Variants in HEMK2 observed in about 807,000 individuals in gnomAD.
HEMK2 encodes methyltransferase HEMK2.
the HEMK2 span, among the ~76,000 whole-genome samples, chr21:28,831,738 A>G: frequency 1.4e-3 from 163 of 114,852 alleles, no homozygotes; most frequent in East Asian, 4.8e-3. Context: ...AAGGAAGGAA[A>G]GAAAGAAAGA....
the HEMK2 span, among the ~76,000 whole-genome samples, chr21:28,763,355 G>C: frequency 2.0e-5 from 3 of 152,250 alleles, no homozygotes; most frequent in South Asian, 6.2e-4. Context: ...GCTGAAGCAG[G>C]AACAAGCATG....
the HEMK2 span, among the ~76,000 whole-genome samples, chr21:28,842,971 G>A: frequency 6.6e-6 from 1 of 152,036 alleles, no homozygotes; most frequent in Non-Finnish European, 1.5e-5. Flanking sequence ...TGGAAGAATG[G>A]GAAGATAGAC....
the HEMK2 span, among the ~76,000 whole-genome samples, chr21:28,784,428 T>C: frequency 6.6e-6 from 1 of 150,392 alleles, no homozygotes; most frequent in Non-Finnish European, 1.5e-5. Flanking sequence ...CTAGCTAATC[T>C]AGTGGGGACT....
the HEMK2 span, among the ~76,000 whole-genome samples, chr21:28,638,591 A>G: frequency 6.6e-6 from 1 of 152,178 alleles, no homozygotes; most frequent in Non-Finnish European, 1.5e-5. Flanking sequence ...CAACTGCCTC[A>G]AAACCTAGAG....
chr21:28,874,851 A>C, the HEMK2 span: 1 of 152,224 alleles, frequency 6.6e-6, no homozygotes, highest in African/African-American at 2.4e-5. Flanking sequence ...TTGGCATATA[A>C]TTGAATATCT....
the HEMK2 span, among the ~76,000 whole-genome samples, chr21:28,616,547 TCTCTC>T: frequency 6.6e-6 from 1 of 152,176 alleles, no homozygotes; most frequent in Non-Finnish European, 1.5e-5. Flanking sequence ...CCTGCAAAAT[TCTCTC>T]TAAAACTTCC....
At chr21:28,849,282 A>T in the HEMK2 span, among the ~76,000 whole-genome samples, 1 of 152,154 alleles carries the variant, frequency 6.6e-6, no homozygotes. Flanking sequence ...AAAAAAACCC[A>T]GTCAGCTGAA....
the HEMK2 span, among the ~76,000 whole-genome samples, chr21:28,591,010 C>T: frequency 1.3e-5 from 2 of 152,290 alleles, no homozygotes; most frequent in East Asian, 3.9e-4. Flanking sequence ...GCTTCACAAA[C>T]ATTTTGTTAC....
chr21:28,691,760 C>T, the HEMK2 span, among the ~76,000 whole-genome samples: 4 of 152,292 alleles, frequency 2.6e-5, no homozygotes, highest in South Asian at 8.3e-4. Context: ...GAATATAAAG[C>T]TTGGACCCAG....
the HEMK2 span, among the ~76,000 whole-genome samples, chr21:28,877,053 AGGGAGGGAAGG>A: frequency 1.6e-4 from 2 of 12,164 alleles, no homozygotes; most frequent in African/African-American, 3.6e-4. Context: ...GGAGGGAGGG[AGGGAGGGAAGG>A]AGGGAGGGAA....
chr21:28,614,289 T>C, the HEMK2 span, among the ~76,000 whole-genome samples: 1 of 152,176 alleles, frequency 6.6e-6, no homozygotes, highest in East Asian at 1.9e-4. Flanking sequence ...GATATTCTTA[T>C]AATCTGGTGG....
chr21:28,646,771 T>C, the HEMK2 span, among the ~76,000 whole-genome samples: 2 of 152,174 alleles, frequency 1.3e-5, no homozygotes, highest in Admixed American at 1.3e-4. Flanking sequence ...GCACAGAACA[T>C]GTATGTGGCC....
At chr21:28,622,610 T>C in the HEMK2 span, among the ~76,000 whole-genome samples, 2 of 152,146 alleles carry the variant, frequency 1.3e-5, no homozygotes, top group African/African-American at 2.4e-5. Context: ...CAAAACAGCA[T>C]GGTACTAGTA....
At chr21:28,761,942 T>A in the HEMK2 span, among the ~76,000 whole-genome samples, 1 of 152,108 alleles carries the variant, frequency 6.6e-6, no homozygotes, top group African/African-American at 2.4e-5. Flanking sequence ...ATCACTAGAC[T>A]GAGGTAGGAA....
At chr21:28,760,704 C>G in the HEMK2 span, among the ~76,000 whole-genome samples, 85,567 of 152,004 alleles carry the variant, frequency 0.56, 27,770 homozygotes, top group African/African-American at 0.88. Flanking sequence ...TTATTTTGTA[C>G]ACTGTCCCAT....
chr21:28,617,790 CTT>C, the HEMK2 span, among the ~76,000 whole-genome samples: 102,217 of 147,836 alleles, frequency 0.69, 35,787 homozygotes, highest in South Asian at 0.78. Flanking sequence ...TCTTGACTGC[CTT>C]TTTTTTTTTT....
the HEMK2 span, among the ~76,000 whole-genome samples, chr21:28,698,385 G>T: frequency 6.6e-6 from 1 of 152,040 alleles, no homozygotes; most frequent in Non-Finnish European, 1.5e-5. Context: ...ATGAAAAATT[G>T]TTTAAAATAA....
chr21:28,734,596 T>C, the HEMK2 span, among the ~76,000 whole-genome samples: 17 of 152,230 alleles, frequency 1.1e-4, no homozygotes, highest in African/African-American at 4.1e-4. Context: ...GTGAGGAACT[T>C]TGATATGGCC....
At chr21:28,787,236 C>A in the HEMK2 span, among the ~76,000 whole-genome samples, 1 of 152,146 alleles carries the variant, frequency 6.6e-6, no homozygotes, top group African/African-American at 2.4e-5. Flanking sequence ...GGACTTAAAC[C>A]TAAGACCTGA....
Sources: gnomAD v4.1 joint callset for allele counts (sites outside exome capture counted in the v4.1 genomes callset) on GRCh38, gnomAD v4.1.1 for gene constraint, MANE v1.5 for transcripts, NCBI Gene and HGNC (gene_info 2026-07-23, HGNC 2026-07-21) for gene names.